Variants in UNC13C observed in about 807,000 individuals in gnomAD.
UNC13C encodes the protein unc-13 homolog C.
In UNC13C, 174 loss-of-function variants were observed where a neutral mutation model predicts 245.4. That is an observed-to-expected ratio of 0.71 (90% confidence interval 0.63 to 0.80). The LOEUF (loss-of-function observed/expected upper bound fraction) is 0.80, where lower values mean the gene tolerates loss of function less well. UNC13C is among the 30% of genes least tolerant of loss of function. UNC13C has a pLI of 0.00. For synonymous variants in UNC13C, 992 were observed against 895.1 expected, an observed-to-expected ratio of 1.11 and a Z score of -1.93; for missense variants, 2,829 against 2,602.9, an observed-to-expected ratio of 1.09 and a Z score of -1.89.
chr15:53,993,148 TC>T lies in UNC13C; in HGVS notation c.-257+14224del, dbSNP rs1894466099. Among the ~76,000 whole-genome samples, 4 of 152,080 alleles carry T rather than the reference TC, an allele frequency of 2.6e-5. No homozygotes were observed. In the South Asian group the frequency reaches 8.3e-4, roughly 31 times the overall value. ...TGCTATCAATTTTCTTAGGTCAGAT[TC>T]CCAGGGAAGTAGGCTATGAGACAGA... On this transcript the variant is annotated intron_variant, in intron 1 of 32. Transcript: ENST00000260323.
chr15:54,252,411 T>C (rs1041824050), intron 8 of UNC13C, among the ~76,000 whole-genome samples: 2 of 152,164 alleles, frequency 1.3e-5, no homozygotes, highest in African/African-American at 4.8e-5. Context: ...CACACATAAA[T>C]TGGAAGAATC....
At chr15:54,529,060 A>G (rs1209673356) in intron 25 of UNC13C, among the ~76,000 whole-genome samples, 1 of 152,212 alleles carries the variant, frequency 6.6e-6, no homozygotes, top group Non-Finnish European at 1.5e-5. Flanking sequence ...ATAAATATGC[A>G]GAGAGCCAAG....
chr15:54,359,779 T>G (rs2039187234), intron 17 of UNC13C, among the ~76,000 whole-genome samples: 1 of 151,974 alleles, frequency 6.6e-6, no homozygotes. Flanking sequence ...ATAATTGTTG[T>G]TTATTTTTTG....
upstream of UNC13C, among the ~76,000 whole-genome samples, chr15:53,976,477 C>CTCTTTTTTTTTTT (rs1325952003): frequency 9.5e-5 from 6 of 63,018 alleles, no homozygotes; most frequent in African/African-American, 2.9e-4. Flanking sequence ...CTCTCTCTCT[C>CTCTTTTTTTTTTT]TTTTTTTTTT....
At chr15:54,060,384 C>T (rs1175468262) in intron 2 of UNC13C, among the ~76,000 whole-genome samples, 4 of 151,996 alleles carry the variant, frequency 2.6e-5, no homozygotes, top group African/African-American at 7.2e-5. Flanking sequence ...TCATCACTGG[C>T]CATCAGAGAA....
At chr15:53,929,942 T>C in the UNC13C span, among the ~76,000 whole-genome samples, 1 of 152,196 alleles carries the variant, frequency 6.6e-6, no homozygotes, top group Admixed American at 6.5e-5. Context: ...ATTTTAGATA[T>C]ATCTTACTGT....
the UNC13C span, among the ~76,000 whole-genome samples, chr15:53,941,597 GA>G: frequency 6.6e-6 from 1 of 151,374 alleles, no homozygotes; most frequent in South Asian, 2.1e-4. Context: ...AAAATTACAA[GA>G]AAAAAACAAT....
intron 4 of UNC13C, among the ~76,000 whole-genome samples, chr15:54,167,189 A>G (rs2033191260): frequency 6.6e-6 from 1 of 152,124 alleles, no homozygotes. Context: ...TTTGACATAA[A>G]TGATAAAGCA....
At chr15:54,277,339 AAGC>A (rs1468798482) in intron 10 of UNC13C, among the ~76,000 whole-genome samples, 1 of 152,202 alleles carries the variant, frequency 6.6e-6, no homozygotes, top group Non-Finnish European at 1.5e-5. Flanking sequence ...GACTTAGTTA[AAGC>A]ACTAAAATAA....
chr15:54,338,000 C>T (rs935745058), intron 16 of UNC13C, among the ~76,000 whole-genome samples: 10 of 152,122 alleles, frequency 6.6e-5, no homozygotes, highest in Non-Finnish European at 1.5e-4. Context: ...TCTACTTGAA[C>T]TTAAGCCCAT....
chr15:54,290,988 CTG>C (rs1393463029), intron 10 of UNC13C, among the ~76,000 whole-genome samples: 2 of 152,020 alleles, frequency 1.3e-5, no homozygotes, highest in Non-Finnish European at 2.9e-5. Context: ...AAGATGATAA[CTG>C]TATCTTTTGC....
intron 4 of UNC13C, among the ~76,000 whole-genome samples, chr15:54,204,864 A>T (rs2034657917): frequency 6.6e-6 from 1 of 152,004 alleles, no homozygotes; most frequent in South Asian, 2.1e-4. Context: ...TGAGTAGAAA[A>T]TACATGAGTG....
intron 10 of UNC13C, among the ~76,000 whole-genome samples, chr15:54,273,386 C>G (rs1055465134): frequency 4.6e-5 from 7 of 152,068 alleles, no homozygotes; most frequent in Non-Finnish European, 7.4e-5. Context: ...TTCCTCGCTT[C>G]TCTGCACACT....
chr15:54,565,296 A>C (rs765397318), intron 29 of UNC13C, among the ~76,000 whole-genome samples: 32 of 151,974 alleles, frequency 2.1e-4, no homozygotes, highest in African/African-American at 6.8e-4. Flanking sequence ...TAATGTTAGC[A>C]TCCAGCACAA....
At chr15:54,233,993 C>T (rs2035621204) in intron 4 of UNC13C, among the ~76,000 whole-genome samples, 1 of 152,094 alleles carries the variant, frequency 6.6e-6, no homozygotes, top group Admixed American at 6.5e-5. Flanking sequence ...AAGTCAAATT[C>T]AATGTATCAA....
chr15:54,507,079 A>T, intron 22 of UNC13C, 38 bp from the exon 23 acceptor site: 1 of 1,398,508 alleles, frequency 7.2e-7, no homozygotes, highest in Non-Finnish European at 9.9e-7. Context: ...TAAACTACAT[A>T]CTTACCTGGG....
At chr15:54,320,906 G>T in intron 13 of UNC13C, 1 of 336,550 alleles carries the variant, frequency 3.0e-6, no homozygotes. Context: ...CAAAATTGTT[G>T]TAGCTTCCAC....
chr15:54,256,973 C>A (rs181820472), intron 8 of UNC13C, among the ~76,000 whole-genome samples: 1 of 152,138 alleles, frequency 6.6e-6, no homozygotes, highest in Admixed American at 6.5e-5. Context: ...AAATTGTTTA[C>A]GTCCAAGGAA....
Position 54,250,322 on chromosome 15 carries a change from C to T in UNC13C, c.3326C>T (p.Thr1109Ile), listed in dbSNP as rs1218959596. 2 of 1,613,954 alleles carry T rather than the reference C, an allele frequency of 1.2e-6. No individual in the cohort carries two copies. Among genetic ancestry groups the T allele is most frequent in the Non-Finnish European group, 8.5e-7 (1 of 1,179,880 alleles). ...GAGGTCTGGACGGCTACCACACCCACCTACTGTTATGAGTGTGAAGGGCTC... is the reference window on the plus strand; with the variant it reads ...GAGGTCTGGACGGCTACCACACCCATCTACTGTTATGAGTGTGAAGGGCTC... ...NFEVWTATTP[T>I]YCYECEGLLW... The change falls in exon 8 of 33, where the codon ACC becomes ATC. Residue 1109 changes from threonine (T) to isoleucine (I), a missense_variant. Transcript: ENST00000260323.
Sources: gnomAD v4.1 joint callset for allele counts (sites outside exome capture counted in the v4.1 genomes callset) on GRCh38, gnomAD v4.1.1 for gene constraint, MANE v1.5 for transcripts, NCBI Gene and HGNC (gene_info 2026-07-23, HGNC 2026-07-21) for gene names.